TTLL4: variants seen among roughly 807,000 people sequenced by gnomAD.
TTLL4 encodes the protein tubulin tyrosine ligase like 4, also known as tubulin monoglutamylase TTLL4.
In TTLL4, 85 loss-of-function variants were observed where a neutral mutation model predicts 122.7. The observed-to-expected ratio is 0.69, with a 90% CI of 0.58 to 0.83. The LOEUF is 0.83. Ranked by LOEUF, TTLL4 falls within the 40% of genes least tolerant of loss-of-function variation. The pLI, the probability that TTLL4 is intolerant of heterozygous loss-of-function variation, is 0.00. For synonymous variants in TTLL4, 553 were observed against 563.0 expected, an observed-to-expected ratio of 0.98 and a Z score of 0.25; for missense variants, 1,363 against 1,488.6, an observed-to-expected ratio of 0.92 and a Z score of 1.39.
In TTLL4 at chr2:218,747,898, G is replaced by A; in HGVS notation, c.2378+173G>A. ...CGTTAAATCTGGGGAGGGTCTTCCT[G>A]CATGCGGGACTGAGGTGGGATAAAG... On this transcript the variant is annotated intron_variant, in intron 11 of 19. Coordinates refer to ENST00000392102, the MANE Select transcript of TTLL4 (RefSeq NM_014640.5). This position sits in a 1 kb window ranked among gnomAD's most constrained non-coding sequence, Gnocchi z 4.7. 8.7e-7 allele frequency: 1 copy of A among 1,152,294 alleles called. No individual in the cohort carries two copies. The highest frequency in any genetic ancestry group is 1.2e-6 in the Non-Finnish European group (1 of 819,710). 71.4% of individuals were successfully genotyped at this position (1,152,294 alleles called of 1,614,324 possible).
At chr2:218,719,772 T>C (rs1048034680) in intron 1 of TTLL4, among the ~76,000 whole-genome samples, 2 of 152,190 alleles carry the variant, frequency 1.3e-5, no homozygotes, top group African/African-American at 2.4e-5. Context: ...CCACAGTGTT[T>C]AGTAAGTGCT....
At chr2:218,741,028 G>A (rs1321221838) in intron 5 of TTLL4, among the ~76,000 whole-genome samples, 3 of 152,042 alleles carry the variant, frequency 2.0e-5, no homozygotes, top group African/African-American at 7.2e-5. Context: ...AGCTGAGATC[G>A]CGCTGCTGCA....
At chr2:218,759,434 C>T (rs1943201884), downstream of TTLL4, among the ~76,000 whole-genome samples, 5 of 152,188 alleles carry the variant, frequency 3.3e-5, no homozygotes, top group South Asian at 1.0e-3. Flanking sequence ...GTTCATGCAA[C>T]ACCATGGATG....
chr2:218,743,168 C>T (rs985778239), intron 5 of TTLL4, among the ~76,000 whole-genome samples: 8 of 151,674 alleles, frequency 5.3e-5, no homozygotes, highest in African/African-American at 1.9e-4. Flanking sequence ...AGATACAGAA[C>T]GTTGTCATCA....
intron 1 of TTLL4, among the ~76,000 whole-genome samples, chr2:218,722,840 A>G (rs1575161030): frequency 6.6e-6 from 1 of 152,266 alleles, no homozygotes; most frequent in Non-Finnish European, 1.5e-5. Flanking sequence ...TCAAAGACAT[A>G]TATTTGAAGC....
intron 1 of TTLL4, among the ~76,000 whole-genome samples, chr2:218,713,066 TACTC>T (rs1397932961): frequency 1.3e-5 from 2 of 152,198 alleles, no homozygotes; most frequent in Non-Finnish European, 2.9e-5. Flanking sequence ...AGGTGTGTGT[TACTC>T]AGTAAGATAG....
chr2:218,730,974 T>C (rs1288292422), intron 2 of TTLL4, among the ~76,000 whole-genome samples: 1 of 151,992 alleles, frequency 6.6e-6, no homozygotes, highest in Non-Finnish European at 1.5e-5. Flanking sequence ...TAGCTAGGCA[T>C]GGTGGTGTAT....
At chr2:218,746,982 T>TC (rs775001364) in intron 8 of TTLL4, 21 bp from the exon 9 acceptor site, 1 of 1,611,440 alleles carries the variant, frequency 6.2e-7, no homozygotes. Context: ...CTTCCTGCAC[T>TC]CACCCTTTTC....
At chr2:218,753,863 A>C (rs1489434900) in intron 19 of TTLL4, among the ~76,000 whole-genome samples, 194 bp downstream of exon 19, 4 of 152,178 alleles carry the variant, frequency 2.6e-5, no homozygotes, top group Non-Finnish European at 4.4e-5. Flanking sequence ...GCTGGAGGAC[A>C]GAAGTGCTTC....
chr2:218,714,002 T>G (rs1250902434), intron 1 of TTLL4, among the ~76,000 whole-genome samples: 1 of 152,128 alleles, frequency 6.6e-6, no homozygotes, highest in African/African-American at 2.4e-5. Context: ...CACATCCAGG[T>G]AGAAAGGCCC....
At chr2:218,734,327 CT>C (rs1942458368) in intron 2 of TTLL4, among the ~76,000 whole-genome samples, 1 of 152,166 alleles carries the variant, frequency 6.6e-6, no homozygotes, top group Non-Finnish European at 1.5e-5. Context: ...ATTTACTGTG[CT>C]TTTCCAGTTT....
chr2:218,742,777 A>G (rs191562165), intron 5 of TTLL4, among the ~76,000 whole-genome samples: 24 of 152,342 alleles, frequency 1.6e-4, no homozygotes, highest in African/African-American at 5.5e-4. Context: ...AACATCTTGC[A>G]GAAGTACAAT....
chr2:218,715,876 T>C (rs1259474713), intron 1 of TTLL4, among the ~76,000 whole-genome samples: 4 of 152,164 alleles, frequency 2.6e-5, no homozygotes, highest in Non-Finnish European at 5.9e-5. Context: ...GTGATCCACC[T>C]GCCTCGGCCT....
At chr2:218,739,187 C>T in intron 3 of TTLL4, 24 bp downstream of exon 3, 1 of 1,595,524 alleles carries the variant, frequency 6.3e-7, no homozygotes, top group African/African-American at 1.3e-5. Context: ...GTTTTTGGTT[C>T]ATTTAGAGCA....
intron 3 of TTLL4, among the ~76,000 whole-genome samples, chr2:218,739,679 T>C (rs1942644251): frequency 6.6e-6 from 1 of 152,236 alleles, no homozygotes; most frequent in Non-Finnish European, 1.5e-5. Context: ...TCTGTTGTGT[T>C]TTGTTATTTT....
intron 2 of TTLL4, among the ~76,000 whole-genome samples, chr2:218,729,766 A>AAAAAC (rs1942310800): frequency 6.9e-6 from 1 of 145,374 alleles, no homozygotes; most frequent in East Asian, 1.9e-4. Context: ...AAAAAAACAA[A>AAAAAC]AAAAAAAAAA....
chr2:218,753,025 C>G (rs376387833), intron 17 of TTLL4, 52 bp downstream of exon 17: 1 of 1,613,088 alleles, frequency 6.2e-7, no homozygotes, highest in South Asian at 1.1e-5. Flanking sequence ...GAGATTAAAT[C>G]CCAGTATACC....
intron 1 of TTLL4, among the ~76,000 whole-genome samples, chr2:218,717,983 G>A (rs1392580885): frequency 6.6e-6 from 1 of 152,106 alleles, no homozygotes; most frequent in Non-Finnish European, 1.5e-5. Context: ...TAGAGATGGG[G>A]TTTCACCGTG....
At chr2:218,742,110 C>T (rs1050012636) in intron 5 of TTLL4, among the ~76,000 whole-genome samples, 3 of 152,032 alleles carry the variant, frequency 2.0e-5, no homozygotes, top group African/African-American at 7.3e-5. Context: ...ACAGGACCAC[C>T]CACCACACCC....
Sources: gnomAD v4.1 joint callset for allele counts (sites outside exome capture counted in the v4.1 genomes callset) on GRCh38, gnomAD v4.1.1 for gene constraint, Gnocchi (gnomAD v3.1) non-coding constraint, MANE v1.5 for transcripts, NCBI Gene and HGNC (gene_info 2026-07-23, HGNC 2026-07-21) for gene names.